The following TRIM33 variants were observed in gnomAD, a reference collection of about 807,000 sequenced individuals.
TRIM33 encodes the protein E3 ubiquitin-protein ligase TRIM33.
A neutral mutation model predicts 125.4 loss-of-function variants in TRIM33; 20 were observed. The observed-to-expected ratio is 0.16, with a 90% CI of 0.11 to 0.23. TRIM33 has a LOEUF of 0.23. Among genes scored for constraint, TRIM33 ranks in the 10% least tolerant of loss-of-function variants. The pLI is 1.00. For missense variants in TRIM33, 920 were observed against 1,411.4 expected, an observed-to-expected ratio of 0.65 and a Z score of 5.58; for synonymous variants, 564 against 513.9, an observed-to-expected ratio of 1.10 and a Z score of -1.32.
At chr1:114,403,705 T>C (rs1202352355) in intron 15 of TRIM33, among the ~76,000 whole-genome samples, 1 of 152,160 alleles carries the variant, frequency 6.6e-6, no homozygotes, top group Non-Finnish European at 1.5e-5. Flanking sequence ...GCCCAGCTAA[T>C]TTTTGTAATA....
chr1:114,458,588 A>C (rs1649761202), intron 4 of TRIM33, among the ~76,000 whole-genome samples: 1 of 151,976 alleles, frequency 6.6e-6, no homozygotes, highest in Admixed American at 6.6e-5. Flanking sequence ...TGCCCACCAA[A>C]CTATCCTTTA....
At chr1:114,475,090 A>T (rs914444503) in intron 1 of TRIM33, among the ~76,000 whole-genome samples, 4 of 152,196 alleles carry the variant, frequency 2.6e-5, no homozygotes, top group Admixed American at 2.6e-4. Flanking sequence ...GCAAAACTGA[A>T]GGGAGACAAA....
chr1:114,509,157 T>A (rs1653183008), intron 1 of TRIM33, among the ~76,000 whole-genome samples: 1 of 152,182 alleles, frequency 6.6e-6, no homozygotes, highest in Non-Finnish European at 1.5e-5. Flanking sequence ...AGAAATCTGA[T>A]CCTTTTATCC....
chr1:114,444,426 G>A (rs572416644), intron 4 of TRIM33, among the ~76,000 whole-genome samples: 1 of 152,290 alleles, frequency 6.6e-6, no homozygotes, highest in South Asian at 2.1e-4. Context: ...ATCTTCAGAG[G>A]AGACAGACTT....
chr1:114,460,565 C>A (rs1009646538), intron 4 of TRIM33, among the ~76,000 whole-genome samples: 1 of 147,364 alleles, frequency 6.8e-6, no homozygotes, highest in Non-Finnish European at 1.5e-5. Flanking sequence ...TTTAACACCC[C>A]CCGCCACCTT....
At chr1:114,430,277 ACT>A (rs1380495085) in intron 6 of TRIM33, among the ~76,000 whole-genome samples, 1 of 151,842 alleles carries the variant, frequency 6.6e-6, no homozygotes, top group African/African-American at 2.4e-5. Flanking sequence ...ACAGGGTCTC[ACT>A]CTGTTGCCCA....
intron 1 of TRIM33, among the ~76,000 whole-genome samples, chr1:114,496,801 TTTTTTA>T (rs1469337652): frequency 2.0e-5 from 3 of 152,190 alleles, no homozygotes; most frequent in East Asian, 1.9e-4. Context: ...CTCATTTTCA[TTTTTTA>T]TTTTTAAGAA....
At chr1:114,421,096 G>A (rs1653252444) in intron 11 of TRIM33, among the ~76,000 whole-genome samples, 1 of 152,002 alleles carries the variant, frequency 6.6e-6, no homozygotes, top group South Asian at 2.1e-4. Flanking sequence ...TGGAACCAAA[G>A]GACATTATGC....
intron 1 of TRIM33, among the ~76,000 whole-genome samples, chr1:114,478,131 A>G (rs1398207848): frequency 6.6e-6 from 1 of 152,256 alleles, no homozygotes; most frequent in Non-Finnish European, 1.5e-5. Flanking sequence ...CTTATTCTAC[A>G]AAGACTGCTA....
chr1:114,502,425 G>A (rs1479587802), intron 1 of TRIM33, among the ~76,000 whole-genome samples: 2 of 152,114 alleles, frequency 1.3e-5, no homozygotes, highest in African/African-American at 4.8e-5. Flanking sequence ...AAAAATGGAT[G>A]TTTTAAATAT....
In TRIM33 at chr1:114,394,841, G is replaced by A. The variant is rs1382122261; in HGVS notation, c.*2807C>T. 1 of 195,184 alleles carries A rather than the reference G, an allele frequency of 5.1e-6. No individual in the cohort carries two copies. Among genetic ancestry groups the A allele is most frequent in the Non-Finnish European group, 1.1e-5 (1 of 93,926 alleles). The allele number at this position is 195,184 out of a possible 1,614,324, so 12.1% of individuals were successfully genotyped here. ...AATTTAGGTCAGCGGAACAGACTGA[G>A]CAACACTTTGTTCTTAGTTTTCTGA... On this transcript the variant is annotated 3_prime_UTR_variant, in exon 20 of 20. Coordinates refer to ENST00000358465, the MANE Select transcript of TRIM33 (RefSeq NM_015906.4).
At chr1:114,442,348 T>G (rs1173150570) in intron 4 of TRIM33, among the ~76,000 whole-genome samples, 2 of 151,988 alleles carry the variant, frequency 1.3e-5, no homozygotes, top group Non-Finnish European at 2.9e-5. Flanking sequence ...ACTTATCACT[T>G]CTACAAAAAA....
chr1:114,465,595 G>A (rs888213159), intron 1 of TRIM33, among the ~76,000 whole-genome samples: 1 of 151,998 alleles, frequency 6.6e-6, no homozygotes, highest in African/African-American at 2.4e-5. Flanking sequence ...GAGCCCAGGA[G>A]TTTGAGGCCA....
At chr1:114,465,949 AG>A (rs564739924) in intron 1 of TRIM33, among the ~76,000 whole-genome samples, 384 of 152,150 alleles carry the variant, frequency 2.5e-3, no homozygotes, top group South Asian at 8.3e-3. Flanking sequence ...AGGGCGAGAT[AG>A]GAGAATCGCT....
intron 1 of TRIM33, among the ~76,000 whole-genome samples, chr1:114,492,154 GACTGTGAAGGC>G (rs1193687188): frequency 1.3e-5 from 2 of 152,174 alleles, no homozygotes; most frequent in African/African-American, 2.4e-5. Context: ...GTGTAGGGAT[GACTGTGAAGGC>G]ACTGCTATTA....
At chr1:114,468,646 C>A (rs1572092154) in intron 1 of TRIM33, 3 of 426,670 alleles carry the variant, frequency 7.0e-6, no homozygotes, top group Non-Finnish European at 9.3e-6. Flanking sequence ...CAAGAACCAG[C>A]TGAACCAGAG....
rs1651515943 is a variant in TRIM33 at position 114,395,848 on chromosome 1, A to G, written c.*1800T>C. 5.2e-6 allele frequency: 1 copy of G among 193,110 alleles called. No individual in the cohort carries two copies. The highest frequency in any genetic ancestry group is 1.1e-5 in the Non-Finnish European group (1 of 92,454). The allele number at this position is 193,110 out of a possible 1,614,324, so 12.0% of individuals were successfully genotyped here. ...AATACTCTTTAAATACACAACCAGA[A>G]AGCCTGAATCATATTCCTGTTTACC... On this transcript the variant is annotated 3_prime_UTR_variant, in exon 20 of 20. Transcript: ENST00000358465.
intron 1 of TRIM33, among the ~76,000 whole-genome samples, chr1:114,490,117 A>G (rs962774672): frequency 6.0e-5 from 9 of 149,144 alleles, no homozygotes; most frequent in Admixed American, 2.7e-4. Context: ...AAAGGAAAGG[A>G]AAGAAAAAAG....
rs1209879840 is a variant in TRIM33, at chr1:114,395,698, TA to T, written c.*1949del. On this transcript the variant is annotated 3_prime_UTR_variant, in exon 20 of 20. Transcript: ENST00000358465. ...TTATTAAAAAACATTTTTAGGAATT[TA>T]AAATTTGAGTAAAATGTTTCAACAG... The T allele has an allele frequency of 5.2e-6, 1 of 192,132 alleles. No individual in the cohort carries two copies. The highest frequency in any genetic ancestry group is 6.1e-5 in the Admixed American group (1 of 16,334). 11.9% of individuals were successfully genotyped at this position (192,132 alleles called of 1,614,324 possible). A position where few individuals can be genotyped will look rare whatever the true frequency, so the allele number is the denominator to read the frequency against.
Sources: allele counts gnomAD v4.1 joint callset (sites outside exome capture counted in the v4.1 genomes callset), GRCh38; gene constraint gnomAD v4.1.1; transcripts MANE v1.5; gene names NCBI Gene and HGNC (gene_info 2026-07-23, HGNC 2026-07-21).